The following SH2D3C variants were observed in gnomAD, a reference collection of about 807,000 sequenced individuals.
SH2D3C encodes SH2 domain-containing protein 3C.
SH2D3C carries 25 observed loss-of-function variants against 75.2 expected under a neutral mutation model. The observed-to-expected ratio is 0.33, with a 90% CI of 0.24 to 0.46. The LOEUF is 0.46. Ranked by LOEUF, SH2D3C falls within the 20% of genes least tolerant of loss-of-function variation. The pLI is 1.00. For missense variants in SH2D3C, 933 were observed against 1,165.3 expected (o/e 0.80, Z 2.90); for synonymous variants, 450 against 473.7 (o/e 0.95, Z 0.65).
At chr9:127,772,215 CTACAAT>C (rs1845750157) in intron 2 of SH2D3C, among the ~76,000 whole-genome samples, 2 of 149,724 alleles carry the variant, frequency 1.3e-5, no homozygotes, top group South Asian at 4.2e-4. Context: ...AACTCTGGCC[CTACAAT>C]TACTTTTGCT....
Position 127,738,822 on chromosome 9 carries a change from C to T in SH2D3C, c.2507G>A (p.Arg836His), listed in dbSNP as rs200069549. 258 of 1,606,500 alleles carry T rather than the reference C, an allele frequency of 1.6e-4. No homozygotes were observed. The highest frequency in any genetic ancestry group is 2.0e-4 in the Non-Finnish European group (239 of 1,176,916). The change falls in exon 12 of 12, where the codon CGC (arginine) becomes CAC (histidine). Residue 836 changes from arginine (R) to histidine (H), a missense_variant. Physicochemically the swap from Arg to His is conservative, Grantham distance 29. Transcript: ENST00000314830. The surrounding 1 kb of genome is among the most constrained non-coding windows in gnomAD (Gnocchi z 5.0). ...GAGGACCTTGTCGAACTTCTCATAG[C>T]GCCGGGCCTGGCTGCTGCTGGCACC... ...SQGASSSQAR[R>H]YEKFDKVLTA...
intron 3 of SH2D3C, among the ~76,000 whole-genome samples, chr9:127,759,463 G>A (rs919365960): frequency 1.3e-5 from 2 of 152,136 alleles, no homozygotes; most frequent in Non-Finnish European, 2.9e-5. Flanking sequence ...TGATCTGCCC[G>A]CCTTGGCCTC....
chr9:127,744,209 T>C (rs1844953641), intron 7 of SH2D3C, among the ~76,000 whole-genome samples: 1 of 151,806 alleles, frequency 6.6e-6, no homozygotes, highest in Admixed American at 6.6e-5. Context: ...TAGCTGGGAT[T>C]ACAGGCGCCC....
At chr9:127,744,514 C>T (rs1245252648) in intron 7 of SH2D3C, 50 bp downstream of exon 7, 2 of 1,546,626 alleles carry the variant, frequency 1.3e-6, no homozygotes, top group South Asian at 1.2e-5. Flanking sequence ...ACTGCCCTGC[C>T]CCACAGAACA....
intron 2 of SH2D3C, among the ~76,000 whole-genome samples, chr9:127,769,810 C>A (rs1233548619): frequency 6.6e-6 from 1 of 152,128 alleles, no homozygotes; most frequent in African/African-American, 2.4e-5. Flanking sequence ...TCTCTGTGAC[C>A]CCAGGAGAGT....
rs149381198 is a variant in SH2D3C at position 127,755,562 on chromosome 9, C to T, written c.556-4262G>A. On this transcript the variant is annotated intron_variant, in intron 3 of 11. Transcript: ENST00000314830. ...CCCCACTCGCCGCACCTCTAACAGA[C>T]CGGGAGCGGGCAGAGACTTTGAATT... is the stretch of plus-strand genomic sequence containing the variant. Among the ~76,000 whole-genome samples the T allele has an allele frequency of 9.7e-4, 147 of 152,304 alleles. 3 individuals are homozygous for T. The East Asian group carries it at 0.022, about 22-fold the overall frequency.
At chr9:127,777,271 G>A (rs1025272440) in intron 1 of SH2D3C, among the ~76,000 whole-genome samples, 2 of 152,172 alleles carry the variant, frequency 1.3e-5, no homozygotes, top group Non-Finnish European at 2.9e-5. Context: ...GACAGACACA[G>A]GAAAACAGAG....
chr9:127,771,293 TC>T (rs1331370830), intron 2 of SH2D3C: 3 of 1,509,988 alleles, frequency 2.0e-6, no homozygotes, highest in African/African-American at 2.8e-5. Flanking sequence ...CCTGCCTTTC[TC>T]GGGCCACTGA....
intron 2 of SH2D3C, among the ~76,000 whole-genome samples, chr9:127,772,412 T>A (rs771821676): frequency 6.6e-6 from 1 of 151,842 alleles, no homozygotes; most frequent in Non-Finnish European, 1.5e-5. Flanking sequence ...CCCGGCTAAT[T>A]TTTGTATTTT....
At chr9:127,745,455 C>CG (rs1845001989) in intron 6 of SH2D3C, among the ~76,000 whole-genome samples, 1 of 109,554 alleles carries the variant, frequency 9.1e-6, no homozygotes, top group Non-Finnish European at 1.8e-5. Flanking sequence ...TAATGATTTC[C>CG]TTTTTTTTTT....
At chr9:127,767,944 G>T (rs567361068) in intron 2 of SH2D3C, among the ~76,000 whole-genome samples, 1 of 152,312 alleles carries the variant, frequency 6.6e-6, no homozygotes, top group South Asian at 2.1e-4. Context: ...CCTGCAACTG[G>T]GTCCCCTGGG....
intron 1 of SH2D3C, among the ~76,000 whole-genome samples, chr9:127,775,396 G>A (rs1454755139): frequency 6.6e-6 from 1 of 152,200 alleles, no homozygotes; most frequent in Non-Finnish European, 1.5e-5. Context: ...TTGGGAGGCT[G>A]AGGCGGGCAG....
chr9:127,747,344 C>A (rs944797750), intron 5 of SH2D3C, 73 bp from the exon 6 acceptor site: 2 of 1,416,734 alleles, frequency 1.4e-6, no homozygotes, highest in Non-Finnish European at 1.9e-6. Flanking sequence ...GGACCCCCCA[C>A]CTCTGCACCT....
chr9:127,763,216 C>T (rs1243125436), intron 2 of SH2D3C, among the ~76,000 whole-genome samples: 1 of 152,212 alleles, frequency 6.6e-6, no homozygotes, highest in Non-Finnish European at 1.5e-5. Context: ...CCCTGACCTC[C>T]CCACCTTGAA....
intron 2 of SH2D3C, chr9:127,771,493 C>T: frequency 1.4e-6 from 1 of 731,796 alleles, no homozygotes; most frequent in Non-Finnish European, 2.0e-6. Flanking sequence ...CAGTCAGTGT[C>T]GGGAAGGCCT....
chr9:127,740,016 T>C (rs1844807004), intron 10 of SH2D3C, 128 bp from the exon 11 acceptor site: 3 of 937,296 alleles, frequency 3.2e-6, no homozygotes, highest in African/African-American at 3.3e-5. Context: ...CAAGGGCTCC[T>C]GACTCCTGGG....
intron 3 of SH2D3C, among the ~76,000 whole-genome samples, chr9:127,752,304 C>T (rs1243753073): frequency 6.6e-6 from 1 of 152,156 alleles, no homozygotes; most frequent in Non-Finnish European, 1.5e-5. Flanking sequence ...CCTGCCTCAC[C>T]TCACTGCGAA....
chr9:127,740,198 G>A, intron 10 of SH2D3C, 60 bp downstream of exon 10: 2 of 1,383,442 alleles, frequency 1.4e-6, no homozygotes, highest in Non-Finnish European at 2.1e-6. Flanking sequence ...TCCATGCTGG[G>A]AGTCTTTGCA....
chr9:127,775,491 A>C (rs1845796248), intron 1 of SH2D3C, among the ~76,000 whole-genome samples: 1 of 151,742 alleles, frequency 6.6e-6, no homozygotes, highest in Admixed American at 6.6e-5. Flanking sequence ...TTAGCTGGGC[A>C]TGGTGCATGC....
Sources: allele counts gnomAD v4.1 joint callset (sites outside exome capture counted in the v4.1 genomes callset), GRCh38; gene constraint gnomAD v4.1.1; non-coding constraint Gnocchi (gnomAD v3.1); transcripts MANE v1.5; gene names NCBI Gene and HGNC (gene_info 2026-07-23, HGNC 2026-07-21).